TPRX1: variants seen among roughly 807,000 people sequenced by gnomAD.
TPRX1 encodes the protein tetrapeptide repeat homeobox 1, also known as tetra-peptide repeat homeobox protein 1.
TPRX1 carries 2 observed loss-of-function variants against 8.1 expected under a neutral mutation model. The observed-to-expected ratio is 0.25, with a 90% CI of 0.10 to 0.78. TPRX1 has a LOEUF of 0.78. TPRX1 is among the 30% of genes least tolerant of loss of function. TPRX1 has a pLI of 0.70. For synonymous variants in TPRX1, 257 were observed against 254.1 expected (o/e 1.01, Z -0.11); for missense variants, 517 against 586.9 (o/e 0.88, Z 1.23).
intron 2 of TPRX1, among the ~76,000 whole-genome samples, chr19:47,815,117 T>TATATATATATATATATGCAA (rs1555799987): frequency 0.011 from 793 of 70,868 alleles, 40 homozygotes; most frequent in East Asian, 0.1. Context: ...AGATAAATTA[T>TATATATATATATATATGCAA]ATATATATAT....
chr19:47,802,530 C>T (rs1398497094), exon 4 of TPRX1: 1 of 1,546,332 alleles, frequency 6.5e-7, no homozygotes, highest in African/African-American at 1.4e-5. Flanking sequence ...GGGATCGGGG[C>T]TGGGCCTGAA....
chr19:47,812,201 A>G (rs956424012), intron 2 of TPRX1, among the ~76,000 whole-genome samples: 1 of 152,118 alleles, frequency 6.6e-6, no homozygotes, highest in Non-Finnish European at 1.5e-5. Flanking sequence ...TGCTCAGTAC[A>G]TTCAAGGGAC....
At chr19:47,814,635 A>C (rs10403102) in intron 2 of TPRX1, among the ~76,000 whole-genome samples, 69,149 of 151,616 alleles carry the variant, frequency 0.46, 16,538 homozygotes, top group Middle Eastern at 0.6. Flanking sequence ...CTGATCAACG[A>C]CCTCAGAGAT....
intron 2 of TPRX1, among the ~76,000 whole-genome samples, chr19:47,811,144 C>T (rs2123717151): frequency 6.6e-6 from 1 of 151,742 alleles, no homozygotes; most frequent in Admixed American, 6.6e-5. Context: ...GCTGGGATTA[C>T]AGGCGCCCGC....
intron 2 of TPRX1, among the ~76,000 whole-genome samples, chr19:47,811,580 C>T (rs10407268): frequency 6.7e-6 from 1 of 149,858 alleles, no homozygotes; most frequent in Admixed American, 6.7e-5. Flanking sequence ...CTCACTGCAA[C>T]CTCCGCCTCC....
At chr19:47,802,874 A>G in exon 4 of TPRX1, 1 of 1,594,964 alleles carries the variant, frequency 6.3e-7, no homozygotes, top group Non-Finnish European at 8.5e-7. Context: ...TGCAGGGACT[A>G]GGGGCGCAGC....
At chr19:47,817,272 A>C (rs976890528) in intron 2 of TPRX1, among the ~76,000 whole-genome samples, 1 of 152,206 alleles carries the variant, frequency 6.6e-6, no homozygotes, top group Non-Finnish European at 1.5e-5. Flanking sequence ...ACAAGATCTC[A>C]GGGAACAATA....
intron 2 of TPRX1, among the ~76,000 whole-genome samples, chr19:47,812,168 G>C (rs8104007): frequency 0.26 from 39,951 of 151,920 alleles, 5,651 homozygotes; most frequent in Middle Eastern, 0.36. Flanking sequence ...TGCCCGGCCT[G>C]AGAACTGTCT....
exon 4 of TPRX1, chr19:47,801,803 G>A: frequency 1.9e-6 from 3 of 1,613,994 alleles, no homozygotes; most frequent in Non-Finnish European, 2.5e-6. Context: ...CCTGGGGCCT[G>A]AGTGATTTTC....
chr19:47,815,123 T>TATATATATATATATGCAA (rs1555800006), intron 2 of TPRX1, among the ~76,000 whole-genome samples: 12 of 93,812 alleles, frequency 1.3e-4, no homozygotes, highest in African/African-American at 4.8e-4. Context: ...ATTATATATA[T>TATATATATATATATGCAA]ATATATATAT....
chr19:47,816,768 G>A (rs367702701), intron 2 of TPRX1, among the ~76,000 whole-genome samples: 9 of 151,780 alleles, frequency 5.9e-5, no homozygotes, highest in African/African-American at 1.5e-4. Context: ...TCCTGACCTC[G>A]TGATCTGCCC....
At chr19:47,804,694 G>A (rs899641784) in intron 2 of TPRX1, among the ~76,000 whole-genome samples, 143 bp from the exon 1 acceptor site, 1 of 143,016 alleles carries the variant, frequency 7.0e-6, no homozygotes, top group African/African-American at 2.5e-5. Context: ...GTTGAATGAT[G>A]GATTAATCCT....
chr19:47,807,788 G>C (rs1487243144), intron 2 of TPRX1, among the ~76,000 whole-genome samples: 1 of 152,174 alleles, frequency 6.6e-6, no homozygotes, highest in African/African-American at 2.4e-5. Flanking sequence ...AGATCAAAGA[G>C]ATGGATCAAG....
At chr19:47,802,300 G>A (rs767189962) in exon 4 of TPRX1, 2 of 1,317,240 alleles carry the variant, frequency 1.5e-6, no homozygotes, top group East Asian at 2.5e-5. Flanking sequence ...CTGGGATCGG[G>A]CCTGGGTTCG....
intron 2 of TPRX1, among the ~76,000 whole-genome samples, chr19:47,810,819 G>A (rs1209193397): frequency 6.6e-6 from 1 of 151,904 alleles, no homozygotes. Context: ...GGGCACATGG[G>A]CAACAAGGAG....
intron 2 of TPRX1, among the ~76,000 whole-genome samples, chr19:47,813,143 T>TAAATAAA: frequency 1.1e-5 from 1 of 91,282 alleles, no homozygotes; most frequent in Non-Finnish European, 2.6e-5. Flanking sequence ...AAATAAATAA[T>TAAATAAA]AATAAATAAA....
At chr19:47,809,273 TTTTC>T (rs1425931540) in intron 2 of TPRX1, among the ~76,000 whole-genome samples, 1 of 152,146 alleles carries the variant, frequency 6.6e-6, no homozygotes, top group African/African-American at 2.4e-5. Flanking sequence ...TTCTTTTTTC[TTTTC>T]TTTTTCTTTC....
chr19:47,815,147 A>AT (rs1967825728), intron 2 of TPRX1, among the ~76,000 whole-genome samples: 1 of 35,020 alleles, frequency 2.9e-5, no homozygotes, highest in African/African-American at 1.0e-4. Flanking sequence ...TATATATGCA[A>AT]ATATATATAT....
At chr19:47,818,991 G>C (rs900395894) in exon 1 of TPRX1, 1 of 237,812 alleles carries the variant, frequency 4.2e-6, no homozygotes, top group East Asian at 1.1e-4. Context: ...AGAGCATGCG[G>C]TGTTTGGTTT....
Sources: allele counts gnomAD v4.1 joint callset (sites outside exome capture counted in the v4.1 genomes callset), GRCh38; gene constraint gnomAD v4.1.1; transcripts MANE v1.5; gene names NCBI Gene and HGNC (gene_info 2026-07-23, HGNC 2026-07-21).